TENM1: variants seen among roughly 807,000 people sequenced by gnomAD.
TENM1 encodes teneurin transmembrane protein 1.
A neutral mutation model predicts 174.8 loss-of-function variants in TENM1; 35 were observed. The observed-to-expected ratio is 0.20, with a 90% CI of 0.15 to 0.27. The LOEUF (loss-of-function observed/expected upper bound fraction) is 0.27. TENM1 is among the 10% of genes least tolerant of loss of function. The pLI is 1.00. For synonymous variants in TENM1, 781 were observed against 798.7 expected (o/e 0.98, Z 0.37); for missense variants, 1,633 against 2,130.1 (o/e 0.77, Z 4.59).
At chrX:124,494,429 T>C (rs1454310819) in intron 20 of TENM1, among the ~76,000 whole-genome samples, 2 of 111,673 alleles carry the variant, frequency 1.8e-5, no homozygotes, top group Admixed American at 1.9e-4. Context: ...CTCTACCAGT[T>C]TACCCAGGGG....
intron 1 of TENM1, among the ~76,000 whole-genome samples, chrX:124,898,905 C>T (rs1331417664): frequency 8.9e-6 from 1 of 112,072 alleles, no homozygotes; most frequent in East Asian, 2.8e-4. Context: ...GATAAAAGTA[C>T]ACTTTCTTGT....
At chrX:124,708,285 A>G (rs2052959377) in intron 4 of TENM1, among the ~76,000 whole-genome samples, 1 of 111,949 alleles carries the variant, frequency 8.9e-6, no homozygotes, top group African/African-American at 3.2e-5. Context: ...AATGGAAAAT[A>G]CCCACAACAG....
At chrX:124,558,627 G>A (rs929648112) in intron 14 of TENM1, among the ~76,000 whole-genome samples, 5 of 111,058 alleles carry the variant, frequency 4.5e-5, no homozygotes, top group African/African-American at 9.8e-5. Flanking sequence ...CAAATGAAGG[G>A]CATTTAATAT....
the TENM1 span, among the ~76,000 whole-genome samples, chrX:124,995,067 A>G: frequency 8.4e-4 from 93 of 110,109 alleles, no homozygotes; most frequent in African/African-American, 2.9e-3. Flanking sequence ...AAACTCATCA[A>G]GCTCCCTCAC....
chrX:124,633,616 T>C (rs1283533210), intron 11 of TENM1, among the ~76,000 whole-genome samples: 2 of 110,504 alleles, frequency 1.8e-5, no homozygotes, highest in Non-Finnish European at 3.8e-5. Flanking sequence ...ATATATATAA[T>C]TATAAAATCT....
intron 3 of TENM1, among the ~76,000 whole-genome samples, chrX:124,812,190 C>T (rs2055795421): frequency 9.0e-6 from 1 of 110,784 alleles, no homozygotes; most frequent in Admixed American, 9.6e-5. Flanking sequence ...TGGGGTAATG[C>T]ATATGTTAAC....
Position 124,403,139 on chromosome X carries a change from T to TA in TENM1, c.5391+1891dup, listed in dbSNP as rs771639872. The stretch of plus-strand genomic sequence containing the variant: ...GCACATACAAATTTCAGTAGCTTTA[T>TA]AAAAAAAAAACCCAAACAAAACCAA... On this transcript the variant is annotated intron_variant, in intron 27 of 31. Transcript: ENST00000422452. Among the ~76,000 whole-genome samples the TA allele has an allele frequency of 4.5e-3, 476 of 104,968 alleles. 4 individuals are homozygous for TA. The highest frequency in any genetic ancestry group is 0.014 in the African/African-American group (416 of 28,952). 91.2% of individuals were successfully genotyped at this position (104,968 alleles called of 115,157 possible).
chrX:125,110,600 C>T, the TENM1 span, among the ~76,000 whole-genome samples: 33 of 106,981 alleles, frequency 3.1e-4, no homozygotes, highest in Non-Finnish European at 4.1e-4. Context: ...TTTTTTTTTC[C>T]TTCTGGGTCC....
chrX:125,060,534 T>A, the TENM1 span, among the ~76,000 whole-genome samples: 1 of 111,623 alleles, frequency 9.0e-6, no homozygotes, highest in South Asian at 3.7e-4. Flanking sequence ...ATTATCATTT[T>A]AAAAATATAT....
chrX:124,469,660 A>T (rs1316795736), intron 22 of TENM1, among the ~76,000 whole-genome samples: 1 of 111,300 alleles, frequency 9.0e-6, no homozygotes, highest in Non-Finnish European at 1.9e-5. Context: ...AACTCTAGAG[A>T]TGTTAAGAAG....
intron 1 of TENM1, among the ~76,000 whole-genome samples, chrX:124,951,660 AT>A (rs1569487435): frequency 3.6e-4 from 21 of 59,113 alleles, no homozygotes; most frequent in African/African-American, 6.0e-4. Flanking sequence ...ATATATATAT[AT>A]ATATATATAT....
At chrX:124,935,977 T>C (rs2058239181) in intron 1 of TENM1, among the ~76,000 whole-genome samples, 2 of 111,793 alleles carry the variant, frequency 1.8e-5, no homozygotes, top group Admixed American at 9.5e-5. Context: ...TAGCTTCACC[T>C]CTTGCATGGA....
chrX:124,990,426 T>C, the TENM1 span, among the ~76,000 whole-genome samples: 1 of 113,130 alleles, frequency 8.8e-6, no homozygotes, highest in Non-Finnish European at 1.9e-5. Context: ...GGTTTTGCTC[T>C]AGAGAATCAA....
intron 5 of TENM1, among the ~76,000 whole-genome samples, chrX:124,690,616 C>A (rs1293781246): frequency 9.2e-6 from 1 of 108,877 alleles, no homozygotes; most frequent in Non-Finnish European, 1.9e-5. Flanking sequence ...GAAGGTGGGG[C>A]CTAATGGAAA....
At chrX:124,474,971 T>A (rs776799996) in intron 22 of TENM1, among the ~76,000 whole-genome samples, 3 of 111,714 alleles carry the variant, frequency 2.7e-5, no homozygotes, top group Non-Finnish European at 5.6e-5. Context: ...ATCAAACATG[T>A]TTTTTTCAAG....
chrX:124,929,322 AG>A (rs961733617), intron 1 of TENM1, among the ~76,000 whole-genome samples: 2 of 111,723 alleles, frequency 1.8e-5, no homozygotes, highest in Non-Finnish European at 3.8e-5. Context: ...AAAGAGTCTG[AG>A]GGGATTGTTT....
At chrX:124,999,018 C>T in the TENM1 span, among the ~76,000 whole-genome samples, 142 of 110,807 alleles carry the variant, frequency 1.3e-3, no homozygotes, top group Middle Eastern at 4.7e-3. Context: ...AAATGAAGTG[C>T]GATATCAATC....
At chrX:124,384,265 A>G in exon 30 of TENM1, 1 of 1,209,149 alleles carries the variant, frequency 8.3e-7, no homozygotes, top group Non-Finnish European at 1.1e-6. Context: ...TCAGAAAGCC[A>G]TCTTCATCCA....
chrX:124,668,288 T>C (rs1394426180), intron 6 of TENM1, among the ~76,000 whole-genome samples: 1 of 111,515 alleles, frequency 9.0e-6, no homozygotes. Context: ...GAAGACAGTG[T>C]GGCGATTCCT....
Sources: allele counts gnomAD v4.1 joint callset (sites outside exome capture counted in the v4.1 genomes callset), GRCh38; gene constraint gnomAD v4.1.1; transcripts MANE v1.5; gene names NCBI Gene and HGNC (gene_info 2026-07-23, HGNC 2026-07-21).